The following DCN variants were observed in gnomAD, a reference collection of about 807,000 sequenced individuals.
DCN encodes bone proteoglycan II.
Under a neutral mutation model 36.5 loss-of-function variants are expected in DCN, and 17 were observed. The observed-to-expected ratio is 0.47, with a 90% CI of 0.32 to 0.70. DCN has a LOEUF of 0.70. Ranked by LOEUF, DCN falls within the 30% of genes least tolerant of loss-of-function variation. The pLI, the probability that DCN is intolerant of heterozygous loss-of-function variation, is 0.04. For synonymous variants in DCN, 163 were observed against 161.4 expected (o/e 1.01, Z -0.07); for missense variants, 389 against 430.1 (o/e 0.90, Z 0.84).
rs1881428629 is a variant in DCN at position 91,151,655 on chromosome 12, T to C, written c.884A>G (p.Gln295Arg). Residue 295 changes from glutamine (Q) to arginine (R), a missense_variant and splice_region_variant, in exon 7 of 8, where the codon CAG (glutamine) becomes CGG (arginine). Gln to Arg is a conservative substitution (Grantham distance 43). Transcript: ENST00000052754. ...PGGLAEHKYI[Q>R]VVYLHNNNIS... ...ACATAAGCAGTGGCTTTGCATTACCTGGATGTACTTATGCTCTGCCAGCCC... is the reference window on the plus strand; with the variant it reads ...ACATAAGCAGTGGCTTTGCATTACCCGGATGTACTTATGCTCTGCCAGCCC... 1 of 1,614,044 alleles carries C rather than the reference T, an allele frequency of 6.2e-7. No homozygotes were observed. Among genetic ancestry groups the C allele is most frequent in the Non-Finnish European group, 8.5e-7 (1 of 1,179,940 alleles).
At chr12:91,147,404 A>T (rs1415043258) in intron 7 of DCN, among the ~76,000 whole-genome samples, 1 of 152,152 alleles carries the variant, frequency 6.6e-6, no homozygotes, top group Admixed American at 6.5e-5. Context: ...GTTTTTCTTC[A>T]TAGCATTATC....
rs548888062 is a variant in DCN at position 91,159,507 on chromosome 12, A to C, written c.325-998T>G. Among the ~76,000 whole-genome samples, 4 of 152,150 alleles carry C rather than the reference A, an allele frequency of 2.6e-5. No individual in the cohort carries two copies. In the South Asian group the frequency reaches 8.3e-4, roughly 32 times the overall value. On this transcript the variant is annotated intron_variant, in intron 3 of 7. Transcript: ENST00000052754. ...ATACTTCTCATGTTTATTAAATTTT[A>C]ATATAGGTTAATAATTGATTTAGAA... is the stretch of plus-strand genomic sequence containing the variant.
chr12:91,159,310 G>A (rs531096298), intron 3 of DCN, among the ~76,000 whole-genome samples: 1 of 152,162 alleles, frequency 6.6e-6, no homozygotes, highest in South Asian at 2.1e-4. Flanking sequence ...TTTTCCCGTA[G>A]CCTTGCAATA....
At position 91,141,597 on chromosome 12, in the gene DCN, G is replaced by A. The variant is rs145228062; in HGVS notation, c.*4461C>T. On this transcript the variant is annotated 3_prime_UTR_variant, in exon 8 of 8. Transcript: ENST00000052754. ...GTCTCTGCCACTAGAACACTGTCAA[G>A]CACACAGTAGGTTATTAATAAATAT... 1.4e-3 allele frequency: 217 copies of A among 152,284 alleles called. No individual in the cohort carries two copies. Among genetic ancestry groups the A allele is most frequent in the African/African-American group, 4.9e-3 (204 of 41,570 alleles). The allele number at this position is 152,284 out of a possible 1,614,324, so 9.4% of individuals were successfully genotyped here.
chr12:91,159,913 A>G (rs1882053362), intron 3 of DCN, among the ~76,000 whole-genome samples: 1 of 152,118 alleles, frequency 6.6e-6, no homozygotes, highest in Non-Finnish European at 1.5e-5. Context: ...GTGGAGGGGC[A>G]AAAGGGGACC....
chr12:91,170,185 C>T (rs1271058653), intron 2 of DCN, among the ~76,000 whole-genome samples: 2 of 152,022 alleles, frequency 1.3e-5, no homozygotes, highest in Admixed American at 1.3e-4. Context: ...ACAAAATAAT[C>T]TCCTACCATA....
At chr12:91,148,394 C>G (rs1346982041) in intron 7 of DCN, among the ~76,000 whole-genome samples, 1 of 151,830 alleles carries the variant, frequency 6.6e-6, no homozygotes, top group East Asian at 1.9e-4. Context: ...CTTAAGTGAG[C>G]TATAAAACCT....
chr12:91,143,758 A>G lies in DCN; in HGVS notation c.*2300T>C, dbSNP rs1465784203. 1 of 151,000 alleles carries G rather than the reference A, an allele frequency of 6.6e-6. No individual in the cohort carries two copies. Among genetic ancestry groups the G allele is most frequent in the Non-Finnish European group, 1.5e-5 (1 of 67,790 alleles). 9.4% of individuals were successfully genotyped at this position (151,000 alleles called of 1,614,324 possible). A position where few individuals can be genotyped will look rare whatever the true frequency, so the allele number is the denominator to read the frequency against. ...AGTGTCGAAGCCAAAGAAATCAGCT[A>G]TATTTATCTTTATTTCAAAGGAAAT... is the stretch of plus-strand genomic sequence containing the variant. On this transcript the variant is annotated 3_prime_UTR_variant, in exon 8 of 8. Coordinates refer to ENST00000052754, the MANE Select transcript of DCN (RefSeq NM_001920.5).
At chr12:91,180,435 TG>T (rs1253794941) in intron 1 of DCN, 1 of 152,054 alleles carries the variant, frequency 6.6e-6, no homozygotes, top group East Asian at 1.9e-4. Flanking sequence ...GAAAGATCTT[TG>T]TATGATCTAA....
At chr12:91,169,418 AT>A (rs147199607) in intron 2 of DCN, among the ~76,000 whole-genome samples, 1 of 149,608 alleles carries the variant, frequency 6.7e-6, no homozygotes, top group South Asian at 2.1e-4. Flanking sequence ...AACAGAAGCT[AT>A]TTTTAAAAAA....
rs1268137750 is a variant in DCN at position 91,141,724 on chromosome 12, T to A, written c.*4334A>T. ...TTGAGTGTATTTTAAAATTGATTTG[T>A]GTTTCTATGCTTGTTCCTGATGGCC... On this transcript the variant is annotated 3_prime_UTR_variant, in exon 8 of 8. Coordinates refer to ENST00000052754, the MANE Select transcript of DCN (RefSeq NM_001920.5). 6.6e-6 allele frequency: 1 copy of A among 152,192 alleles called. No individual in the cohort carries two copies. Among genetic ancestry groups the A allele is most frequent in the African/African-American group, 2.4e-5 (1 of 41,456 alleles). 9.4% of individuals were successfully genotyped at this position (152,192 alleles called of 1,614,324 possible).
intron 2 of DCN, among the ~76,000 whole-genome samples, chr12:91,169,110 G>T (rs1324202414): frequency 6.6e-6 from 1 of 152,148 alleles, no homozygotes; most frequent in African/African-American, 2.4e-5. Flanking sequence ...GTTAAGAGAT[G>T]TTTTAGCTGG....
chr12:91,163,414 A>G (rs530194815), intron 3 of DCN, among the ~76,000 whole-genome samples: 1 of 152,292 alleles, frequency 6.6e-6, no homozygotes, highest in African/African-American at 2.4e-5. Context: ...AGTAGATGCA[A>G]CCACACAAGA....
At position 91,146,326 on chromosome 12, in the gene DCN, T is replaced by C. The variant is rs3138288; in HGVS notation, c.886-74A>G. Reference sequence around the variant, plus strand: ...AGGCCCTTCAGGTAAACATTTTATTTTTTTTATTATTTTTTAATCCTTCAC... The same window carrying C: ...AGGCCCTTCAGGTAAACATTTTATTCTTTTTATTATTTTTTAATCCTTCAC... On this transcript the variant is annotated intron_variant, in intron 7 of 7. Coordinates refer to ENST00000052754, the MANE Select transcript of DCN (RefSeq NM_001920.5). 12,232 of 806,378 alleles carry C rather than the reference T, an allele frequency of 0.015. 1,052 individuals are homozygous for C. The African/African-American group carries it at 0.2, about 13-fold the overall frequency. The allele number at this position is 806,378 out of a possible 1,614,324, so 50.0% of individuals were successfully genotyped here. A position where few individuals can be genotyped will look rare whatever the true frequency, so the allele number is the denominator to read the frequency against.
chr12:91,168,092 A>G (rs766587472), intron 2 of DCN, among the ~76,000 whole-genome samples: 7 of 152,042 alleles, frequency 4.6e-5, no homozygotes, highest in Non-Finnish European at 8.8e-5. Context: ...CGGCCTCCCA[A>G]AGTGCTGGGA....
intron 2 of DCN, among the ~76,000 whole-genome samples, chr12:91,174,454 T>C (rs1303519449): frequency 6.6e-6 from 1 of 152,104 alleles, no homozygotes; most frequent in East Asian, 1.9e-4. Context: ...GAGTCTCTAA[T>C]AAGTATATGG....
At chr12:91,147,870 T>C (rs1316391213) in intron 7 of DCN, among the ~76,000 whole-genome samples, 2 of 152,190 alleles carry the variant, frequency 1.3e-5, no homozygotes, top group African/African-American at 4.8e-5. Context: ...GAGTTTTTTT[T>C]CTGAATTATG....
At position 91,153,045 on chromosome 12, in the gene DCN, T is replaced by C; in HGVS notation, c.746+51A>G. 5.3e-6 allele frequency: 5 copies of C among 940,190 alleles called. No individual in the cohort carries two copies. The South Asian group carries it at 6.5e-5, about 12-fold the overall frequency. 58.2% of individuals were successfully genotyped at this position (940,190 alleles called of 1,614,324 possible). On this transcript the variant is annotated intron_variant, in intron 6 of 7. Transcript: ENST00000052754. ...TTTATAATTCTTATCATATAAGCAC[T>C]AATATACCTAGCCATTGTTCTGATA...
chr12:91,148,951 A>G (rs1881232162), intron 7 of DCN, among the ~76,000 whole-genome samples: 1 of 152,114 alleles, frequency 6.6e-6, no homozygotes, highest in Admixed American at 6.5e-5. Flanking sequence ...ACCATCCTCT[A>G]TATTCCAGTA....
Sources: gnomAD v4.1 joint callset for allele counts (sites outside exome capture counted in the v4.1 genomes callset) on GRCh38, gnomAD v4.1.1 for gene constraint, MANE v1.5 for transcripts, NCBI Gene and HGNC (gene_info 2026-07-23, HGNC 2026-07-21) for gene names.